Variants in PIEZO1 observed in about 807,000 individuals in gnomAD.
The protein encoded by PIEZO1 is piezo type mechanosensitive ion channel component 1 (Er blood group), also known as piezo-type mechanosensitive ion channel component 1.
In PIEZO1, 296 loss-of-function variants were observed where a neutral mutation model predicts 297.2. That is an observed-to-expected ratio of 1.00 (90% CI 0.91 to 1.10). The LOEUF (loss-of-function observed/expected upper bound fraction) is 1.10, where lower values mean the gene tolerates loss of function less well. PIEZO1 is among the 50% of genes least tolerant of loss of function. The pLI, the probability that PIEZO1 is intolerant of heterozygous loss-of-function variation, is 0.00. For synonymous variants in PIEZO1, 2,427 were observed against 1,507.5 expected (o/e 1.61, Z -14.13); for missense variants, 5,018 against 3,455.5 (o/e 1.45, Z -11.34).
intron 10 of PIEZO1, 169 bp downstream of exon 10, chr16:88,737,390 G>C (rs1597460945): frequency 1.7e-6 from 1 of 578,986 alleles, no homozygotes; most frequent in East Asian, 3.0e-5. Context: ...CTGCCCTGGG[G>C]GTCTCGGGGG....
At chr16:88,724,093 T>G in intron 30 of PIEZO1, 122 bp from the exon 31 acceptor site, 1 of 653,490 alleles carries the variant, frequency 1.5e-6, no homozygotes, top group East Asian at 2.7e-5. Context: ...CCGGGAGCAG[T>G]GCAGGCACAA....
chr16:88,736,708 C>A lies in PIEZO1; in HGVS notation c.1227G>T (p.Ala409=). Residue 409 remains alanine, a synonymous_variant, in exon 11 of 51, where the codon GCG becomes GCT. Transcript: ENST00000301015. ...GGTGGCCCAGGCTGTGGAGCGGAGA[C>A]GCCTCCCTGGGCTCAGCCCGCTTGG... ...VRPKRAEPRE[A]SPLHSLGHLI... is the part of the protein sequence containing the mutation. The A allele has an allele frequency of 6.5e-7, 1 of 1,532,710 alleles. No homozygotes were observed. Among genetic ancestry groups the A allele is most frequent in the Non-Finnish European group, 8.7e-7 (1 of 1,145,436 alleles). 94.9% of individuals were successfully genotyped at this position (1,532,710 alleles called of 1,614,324 possible).
intron 21 of PIEZO1, 44 bp from the exon 22 acceptor site, chr16:88,731,954 G>GGGGCGGGGGGGGTGT (rs1904862262): frequency 3.1e-6 from 1 of 325,000 alleles, no homozygotes. Context: ...ACTGAGTCTG[G>GGGGCGGGGGGGGTGT]GGGGAGGGAC....
intron 2 of PIEZO1, among the ~76,000 whole-genome samples, chr16:88,746,654 C>G (rs897515733): frequency 6.6e-6 from 1 of 152,212 alleles, no homozygotes; most frequent in Non-Finnish European, 1.5e-5. Context: ...ACACTTTCCT[C>G]TCTCCCTCCC....
At chr16:88,723,518 A>C (rs889049893) in intron 31 of PIEZO1, among the ~76,000 whole-genome samples, 190 bp from the exon 32 acceptor site, 1 of 152,116 alleles carries the variant, frequency 6.6e-6, no homozygotes, top group Non-Finnish European at 1.5e-5. Context: ...CCCATTCAGG[A>C]GTTGGGTGGG....
intron 1 of PIEZO1, among the ~76,000 whole-genome samples, chr16:88,783,735 C>G (rs941565095): frequency 2.6e-5 from 4 of 152,232 alleles, no homozygotes; most frequent in African/African-American, 9.6e-5. Context: ...CCTCTCCAGC[C>G]TCAATGGTTT....
chr16:88,725,859 C>G (rs1412997295), intron 27 of PIEZO1, 175 bp from the exon 28 acceptor site: 2 of 605,606 alleles, frequency 3.3e-6, no homozygotes, highest in Admixed American at 5.9e-5. Flanking sequence ...CTGTCTGCGG[C>G]GAGGACAGGC....
At chr16:88,757,799 G>T (rs550372948) in intron 1 of PIEZO1, among the ~76,000 whole-genome samples, 1 of 152,252 alleles carries the variant, frequency 6.6e-6, no homozygotes, top group Admixed American at 6.5e-5. Context: ...CCCACAGACA[G>T]GCGAACTGAG....
intron 1 of PIEZO1, among the ~76,000 whole-genome samples, chr16:88,760,086 C>CCCCCACGCCTGGCCCACT (rs1223057116): frequency 2.6e-5 from 4 of 152,186 alleles, no homozygotes; most frequent in Non-Finnish European, 5.9e-5. Flanking sequence ...CCTGGCCCAC[C>CCCCCACGCCTGGCCCACT]CTCCACAAGC....
intron 5 of PIEZO1, 106 bp from the exon 6 acceptor site, chr16:88,738,842 C>G: frequency 9.7e-7 from 1 of 1,032,276 alleles, no homozygotes; most frequent in South Asian, 1.6e-5. Context: ...ACATCCACAG[C>G]TGCTCCTCTG....
Position 88,717,182 on chromosome 16 carries a change from C to T in PIEZO1, c.6501G>A (p.Lys2167=), listed in dbSNP as rs1340196076. The change falls in exon 45 of 51, where the codon AAG becomes AAA. Residue 2167 remains lysine, a synonymous_variant. Transcript: ENST00000301015. ...KKYPQPKGQK[K]KKIVKYGMGG... Reference sequence around the variant, plus strand: ...CCATGCCGTACTTGACGATCTTCTTCTTCTTCTGCCCTTTGGGCTGCGGGT... The same window carrying T: ...CCATGCCGTACTTGACGATCTTCTTTTTCTTCTGCCCTTTGGGCTGCGGGT... 3 of 1,550,270 alleles carry T rather than the reference C, an allele frequency of 1.9e-6. No homozygotes were observed. Among genetic ancestry groups the T allele is most frequent in the Middle Eastern group, 1.7e-4 (1 of 6,016 alleles).
intron 27 of PIEZO1, 179 bp from the exon 28 acceptor site, chr16:88,725,863 G>A: frequency 3.3e-6 from 2 of 604,496 alleles, no homozygotes; most frequent in Non-Finnish European, 6.0e-6. Flanking sequence ...CTGCGGCGAG[G>A]ACAGGCCCTT....
chr16:88,725,567 G>A (rs374634643), intron 28 of PIEZO1, 28 bp downstream of exon 28: 259 of 1,532,514 alleles, frequency 1.7e-4, no homozygotes, highest in South Asian at 5.9e-4. Flanking sequence ...GGGAGGAGCC[G>A]GGGAGTCCCC....
At chr16:88,724,961 GCA>G in intron 30 of PIEZO1, 46 bp downstream of exon 30, 1 of 1,184,492 alleles carries the variant, frequency 8.4e-7, no homozygotes, top group African/African-American at 1.6e-5. Flanking sequence ...ACAGATGGGG[GCA>G]CAGAGGGCCT....
chr16:88,735,153 C>T lies in PIEZO1; in HGVS notation c.1651G>A (p.Val551Ile), dbSNP rs1407694248. 3.9e-6 allele frequency: 6 copies of T among 1,550,130 alleles called. No individual in the cohort carries two copies. Among genetic ancestry groups the T allele is most frequent in the Non-Finnish European group, 5.2e-6 (6 of 1,146,822 alleles). The change falls in exon 13 of 51, where the codon GTC becomes ATC. Residue 551 changes from valine to isoleucine, a missense_variant. Coordinates refer to ENST00000301015, the MANE Select transcript of PIEZO1 (RefSeq NM_001142864.4). Reference protein sequence around the residue: ...WAESPAALTEVTVADTEPTRT... With the variant: ...WAESPAALTEITVADTEPTRT... ...CACTCACCTGTGTCTGCCACGGTGA[C>T]CTCCGTCAGCGCAGCTGGAGACTCT... is the stretch of plus-strand genomic sequence containing the variant.
chr16:88,778,184 G>T (rs1907756463), intron 1 of PIEZO1, among the ~76,000 whole-genome samples: 1 of 152,196 alleles, frequency 6.6e-6, no homozygotes, highest in Non-Finnish European at 1.5e-5. Context: ...CTCACAGATG[G>T]GCATGGCCCG....
In PIEZO1 at chr16:88,765,440, G is replaced by C. The variant is rs146866899; in HGVS notation, c.65-15961C>G. 2.2e-3 allele frequency among the ~76,000 whole-genome samples: 338 copies of C among 152,310 alleles called. 4 individuals are homozygous for C. Among genetic ancestry groups the C allele is most frequent in the African/African-American group, 7.8e-3 (323 of 41,564 alleles). ...TACTTCTGCAGGAGACTGGGGTCTGGTCCTAGCTCAGCCCTCCCCTCTCTG... is the reference window on the plus strand; with the variant it reads ...TACTTCTGCAGGAGACTGGGGTCTGCTCCTAGCTCAGCCCTCCCCTCTCTG... On this transcript the variant is annotated intron_variant, in intron 1 of 50. Coordinates refer to ENST00000301015, the MANE Select transcript of PIEZO1 (RefSeq NM_001142864.4).
chr16:88,717,947 G>T (rs921411688), intron 44 of PIEZO1: 6 of 368,962 alleles, frequency 1.6e-5, no homozygotes, highest in African/African-American at 1.1e-4. Context: ...GCCAGGCCTG[G>T]TGGTGCACAC....
At chr16:88,769,510 C>T (rs867488126) in intron 1 of PIEZO1, among the ~76,000 whole-genome samples, 1 of 152,240 alleles carries the variant, frequency 6.6e-6, no homozygotes, top group African/African-American at 2.4e-5. Flanking sequence ...ACCTGCGGAA[C>T]GCCTCGGCAG....
Sources: allele counts gnomAD v4.1 joint callset (sites outside exome capture counted in the v4.1 genomes callset), GRCh38; gene constraint gnomAD v4.1.1; transcripts MANE v1.5; gene names NCBI Gene and HGNC (gene_info 2026-07-23, HGNC 2026-07-21).